ALG13: variants seen among roughly 807,000 people sequenced by gnomAD.
The protein encoded by ALG13 is UDP-N-acetylglucosamine transferase subunit ALG13.
In ALG13, 11 loss-of-function variants were observed where a neutral mutation model predicts 87.8. The ratio of observed to expected loss-of-function variants is 0.13; its 90% CI spans 0.08 to 0.21. The LOEUF is 0.21. Ranked by LOEUF, ALG13 falls within the 10% of genes least tolerant of loss-of-function variation. The pLI is 1.00. For missense variants in ALG13, 756 were observed against 866.1 expected (o/e 0.87, Z 1.60); for synonymous variants, 320 against 306.3 (o/e 1.04, Z -0.47).
chrX:111,717,839 T>C lies in ALG13; in HGVS notation c.1006-7T>C. 1 of 1,165,825 alleles carries C rather than the reference T, an allele frequency of 8.6e-7. No homozygotes were observed. Among genetic ancestry groups the C allele is most frequent in the African/African-American group, 1.8e-5 (1 of 56,650 alleles). ...TTCACTTAATTGTTCTGTGTGTTTT[T>C]CTTTAGATTCTACTCTGCTACTCAA... On this transcript the variant is annotated splice_polypyrimidine_tract_variant and splice_region_variant and intron_variant, in intron 8 of 26. Transcript: ENST00000394780.
intron 25 of ALG13, among the ~76,000 whole-genome samples, chrX:111,756,174 C>G (rs1945233828): frequency 8.9e-6 from 1 of 111,817 alleles, no homozygotes; most frequent in Non-Finnish European, 1.9e-5. Context: ...GAAAACCAAA[C>G]ACCGCATGTT....
intron 8 of ALG13, among the ~76,000 whole-genome samples, chrX:111,717,588 G>T (rs1282107559): frequency 2.0e-5 from 2 of 97,595 alleles, no homozygotes; most frequent in Admixed American, 2.3e-4. Context: ...GGACTTGTTT[G>T]GTATATTAAT....
Position 111,727,415 on chromosome X carries a change from A to G in ALG13, c.2060A>G (p.Gln687Arg), listed in dbSNP as rs1942191943. The change falls in exon 17 of 27, where the codon CAG (glutamine) becomes CGG (arginine). Residue 687 changes from glutamine (Q) to arginine (R), a missense_variant. Physicochemically the swap from Gln to Arg is conservative, Grantham distance 43 (BLOSUM62 1). Transcript: ENST00000394780. ...CCAGGCCCAGGTAAAAGGTGCTGCC[A>G]GAGCTATGATAACTTCTCTTATAGA... ...FYPGPGKRCC[Q>R]SYDNFSYRSR... The G allele has an allele frequency of 8.3e-7, 1 of 1,206,966 alleles. No homozygotes were observed. The highest frequency in any genetic ancestry group is 1.1e-6 in the Non-Finnish European group (1 of 893,133).
chrX:111,744,636 T>C, intron 23 of ALG13, 32 bp from the exon 24 acceptor site: 1 of 1,165,198 alleles, frequency 8.6e-7, no homozygotes, highest in South Asian at 1.9e-5. Flanking sequence ...TATAGTTGTG[T>C]ATTGCTACTT....
intron 16 of ALG13, 22 bp downstream of exon 16, chrX:111,727,077 A>G: frequency 8.3e-7 from 1 of 1,208,897 alleles, no homozygotes; most frequent in Non-Finnish European, 1.1e-6. Flanking sequence ...ACAGATTTGT[A>G]TTTTCATGGT....
At chrX:111,751,066 C>CTTTTT (rs58149728) in intron 24 of ALG13, among the ~76,000 whole-genome samples, 3 of 74,502 alleles carry the variant, frequency 4.0e-5, no homozygotes, top group Non-Finnish European at 7.1e-5. Flanking sequence ...ATAAGCATAA[C>CTTTTT]TTTTTTTTTT....
At chrX:111,711,033 A>C (rs923868711) in intron 5 of ALG13, 1 of 112,911 alleles carries the variant, frequency 8.9e-6, no homozygotes, top group African/African-American at 3.2e-5. Flanking sequence ...TTTAAAAGGA[A>C]AATTTAAATG....
chrX:111,734,589 G>A (rs187682869), intron 21 of ALG13, among the ~76,000 whole-genome samples: 1 of 112,277 alleles, frequency 8.9e-6, no homozygotes, highest in East Asian at 2.8e-4. Flanking sequence ...CTTTTAGAAA[G>A]ACAGGGTCTT....
At chrX:111,693,164 C>CTTTTTTTTTTT (rs61239915) in intron 3 of ALG13, among the ~76,000 whole-genome samples, 2 of 55,112 alleles carry the variant, frequency 3.6e-5, no homozygotes, top group African/African-American at 6.5e-5. Flanking sequence ...GTTTTTAATT[C>CTTTTTTTTTTT]TTTTTTTTTT....
chrX:111,711,786 A>G (rs984205657), intron 6 of ALG13, 61 bp downstream of exon 6: 3 of 1,072,904 alleles, frequency 2.8e-6, no homozygotes, highest in African/African-American at 3.7e-5. Flanking sequence ...ATGTAAATTT[A>G]TTCATTCAAC....
intron 3 of ALG13, among the ~76,000 whole-genome samples, chrX:111,685,446 A>G (rs902338352): frequency 2.7e-5 from 3 of 112,086 alleles, no homozygotes; most frequent in Non-Finnish European, 5.6e-5. Context: ...AAGGAAGACA[A>G]TTTGCTCATT....
At position 111,686,311 on chromosome X, in the gene ALG13, TAAAA is replaced by T. The variant is rs1454248114; in HGVS notation, c.383+1211_383+1214del. 2.1e-5 allele frequency: 7 copies of T among 336,786 alleles called. No homozygotes were observed. The East Asian group carries it at 2.9e-4, about 14-fold the overall frequency. The allele number at this position is 336,786 out of a possible 1,213,427, so 27.8% of individuals were successfully genotyped here. On this transcript the variant is annotated intron_variant, in intron 3 of 26. Coordinates refer to ENST00000394780, the MANE Select transcript of ALG13 (RefSeq NM_001099922.3). ...TAGTAAAATGAAATTAATTTTAAAA[TAAAA>T]AACCTGAGAAGAAACTGGCTGGAGC...
intron 8 of ALG13, among the ~76,000 whole-genome samples, chrX:111,715,526 C>T (rs1276607534): frequency 2.7e-5 from 3 of 110,720 alleles, no homozygotes; most frequent in Non-Finnish European, 3.8e-5. Flanking sequence ...GAGACCAGCC[C>T]GGCCAATATG....
chrX:111,755,485 G>T (rs1485823102), intron 25 of ALG13, among the ~76,000 whole-genome samples: 3 of 112,222 alleles, frequency 2.7e-5, no homozygotes, highest in Admixed American at 9.4e-5. Flanking sequence ...ACCTATCAGT[G>T]TGAACAGGCA....
At chrX:111,711,529 A>C (rs904341944) in intron 5 of ALG13, 146 bp from the exon 6 acceptor site, 6 of 457,983 alleles carry the variant, frequency 1.3e-5, no homozygotes, top group Non-Finnish European at 2.1e-5. Flanking sequence ...TGTATGTGCA[A>C]ATCTTCTTGA....
chrX:111,700,255 T>G (rs1223907146), intron 3 of ALG13, among the ~76,000 whole-genome samples: 1 of 111,438 alleles, frequency 9.0e-6, no homozygotes, highest in East Asian at 2.8e-4. Flanking sequence ...ATTTTTTTAA[T>G]CAGTTCTAAC....
At chrX:111,697,705 A>G (rs1248770292) in intron 3 of ALG13, among the ~76,000 whole-genome samples, 1 of 112,348 alleles carries the variant, frequency 8.9e-6, no homozygotes, top group Non-Finnish European at 1.9e-5. Context: ...TAATCTGCAG[A>G]ATGGAACCTC....
intron 25 of ALG13, chrX:111,757,280 A>G (rs1048921589): frequency 7.2e-5 from 14 of 194,877 alleles, no homozygotes; most frequent in Middle Eastern, 1.7e-3. Context: ...CCTGTTGTTA[A>G]ATACTATGTG....
chrX:111,733,086 A>ATAAATGTCT (rs1942874200), intron 21 of ALG13, among the ~76,000 whole-genome samples: 3 of 111,750 alleles, frequency 2.7e-5, no homozygotes, highest in Non-Finnish European at 1.9e-5. Context: ...AAAATAAAGG[A>ATAAATGTCT]TAAATGTCTT....
Sources: allele counts gnomAD v4.1 joint callset (sites outside exome capture counted in the v4.1 genomes callset), GRCh38; gene constraint gnomAD v4.1.1; transcripts MANE v1.5; gene names NCBI Gene and HGNC (gene_info 2026-07-23, HGNC 2026-07-21).